Variants in DIP2B observed in about 807,000 individuals in gnomAD.
DIP2B encodes the protein DIP2 acetate--CoA ligase B (putative).
DIP2B carries 76 observed loss-of-function variants against 198.0 expected under a neutral mutation model. The ratio of observed to expected loss-of-function variants is 0.38; its 90% confidence interval spans 0.32 to 0.46. The LOEUF is 0.46. Ranked by LOEUF, DIP2B falls within the 20% of genes least tolerant of loss-of-function variation. The pLI, the probability that DIP2B is intolerant of heterozygous loss-of-function variation, is 0.99. For synonymous variants in DIP2B, 701 were observed against 739.1 expected (o/e 0.95, Z 0.84); for missense variants, 1,559 against 1,978.4 (o/e 0.79, Z 4.02).
chr12:50,557,187 A>G (rs1490254229), intron 1 of DIP2B, among the ~76,000 whole-genome samples: 5 of 152,238 alleles, frequency 3.3e-5, no homozygotes, highest in Non-Finnish European at 4.4e-5. Flanking sequence ...TTCTTTATCT[A>G]TAAAATGGAG....
chr12:50,515,657 G>A lies in DIP2B; in HGVS notation c.100+10417G>A, dbSNP rs750303261. On this transcript the variant is annotated intron_variant, in intron 1 of 37. Coordinates refer to ENST00000301180, the MANE Select transcript of DIP2B (RefSeq NM_173602.3). ...TTCTACTCTTTCTTTCTCCTGATGA[G>A]GGTATTCCTCAGATTTGTGTCTGTT... 2.0e-4 allele frequency among the ~76,000 whole-genome samples: 30 copies of A among 152,212 alleles called. 1 individual carries two copies. Among genetic ancestry groups the A allele is most frequent in the Non-Finnish European group, 3.2e-4 (22 of 67,996 alleles).
At chr12:50,517,094 T>C (rs969758261) in intron 1 of DIP2B, among the ~76,000 whole-genome samples, 13 of 151,914 alleles carry the variant, frequency 8.6e-5, no homozygotes, top group Non-Finnish European at 1.8e-4. Flanking sequence ...TTTTTTTGTA[T>C]TTTTTTAGTA....
chr12:50,517,506 G>A (rs758899939), intron 1 of DIP2B, among the ~76,000 whole-genome samples: 4 of 151,964 alleles, frequency 2.6e-5, no homozygotes, highest in East Asian at 1.9e-4. Flanking sequence ...AGCCTGTCTC[G>A]GTCTCTTCTC....
intron 10 of DIP2B, among the ~76,000 whole-genome samples, chr12:50,685,052 A>G (rs1016352782): frequency 7.2e-5 from 11 of 152,196 alleles, no homozygotes; most frequent in Non-Finnish European, 1.3e-4. Context: ...AGATCATGCC[A>G]CTGCACTCCA....
chr12:50,721,287 C>T lies in DIP2B; in HGVS notation c.3057C>T (p.Cys1019=), dbSNP rs1412474466. 6.2e-7 allele frequency: 1 copy of T among 1,614,030 alleles called. No individual in the cohort carries two copies. Among genetic ancestry groups the T allele is most frequent in the African/African-American group, 1.3e-5 (1 of 75,034 alleles). Residue 1019 remains cysteine (C), a synonymous_variant, in exon 26 of 38, where the codon TGC becomes TGT. Transcript: ENST00000301180. ...GTTGTTTAAAGGGAACCACTGTATGCACAGCCAGCTGCCTTCAGCTTCATA... is the reference window on the plus strand; with the variant it reads ...GTTGTTTAAAGGGAACCACTGTATGTACAGCCAGCTGCCTTCAGCTTCATA... ...MLLNAKGTTV[C]TASCLQLHKR... is the part of the protein sequence containing the mutation.
rs920515999 is a variant in DIP2B at position 50,720,022 on chromosome 12, C to T, written c.3042+987C>T. Among the ~76,000 whole-genome samples, 3 of 150,634 alleles carry T rather than the reference C, an allele frequency of 2.0e-5. No individual in the cohort carries two copies. In the Admixed American group the frequency reaches 2.0e-4, roughly 10 times the overall value. Reference sequence around the variant, plus strand: ...CTCAGCTCAGTGCAACCTCTGCCTCCTGGGTTCAAGCGATTCTCCTGCCTC... The same window carrying T: ...CTCAGCTCAGTGCAACCTCTGCCTCTTGGGTTCAAGCGATTCTCCTGCCTC... On this transcript the variant is annotated intron_variant, in intron 25 of 37. Coordinates refer to ENST00000301180, the MANE Select transcript of DIP2B (RefSeq NM_173602.3).
chr12:50,586,973 CAA>C (rs1343266034), intron 1 of DIP2B, among the ~76,000 whole-genome samples: 1 of 152,148 alleles, frequency 6.6e-6, no homozygotes, highest in Admixed American at 6.6e-5. Flanking sequence ...GGTGGGTTCT[CAA>C]GACATCACCT....
At chr12:50,734,962 A>G (rs1371446634) in intron 33 of DIP2B, 111 bp from the exon 34 acceptor site, 30 of 1,327,090 alleles carry the variant, frequency 2.3e-5, no homozygotes, top group Non-Finnish European at 1.1e-6. Context: ...CCTCTGTAGT[A>G]TGAGGAAGAG....
intron 1 of DIP2B, among the ~76,000 whole-genome samples, chr12:50,505,808 A>G (rs1403932839): frequency 6.6e-6 from 1 of 152,094 alleles, no homozygotes; most frequent in Admixed American, 6.5e-5. Context: ...AAGCAATGGC[A>G]TTAACCCAGA....
chr12:50,639,957 C>G (rs1339887755), intron 2 of DIP2B, among the ~76,000 whole-genome samples: 2 of 152,150 alleles, frequency 1.3e-5, no homozygotes, highest in Non-Finnish European at 2.9e-5. Flanking sequence ...CATTGCTGTT[C>G]TGCAGGTATA....
chr12:50,530,499 G>A (rs933100997), intron 1 of DIP2B, among the ~76,000 whole-genome samples: 5 of 152,178 alleles, frequency 3.3e-5, no homozygotes, highest in Non-Finnish European at 5.9e-5. Context: ...GTTGGAGATC[G>A]CCTTAGAGGA....
intron 1 of DIP2B, among the ~76,000 whole-genome samples, chr12:50,608,953 C>A (rs1959008093): frequency 6.6e-6 from 1 of 152,048 alleles, no homozygotes; most frequent in Non-Finnish European, 1.5e-5. Context: ...ACCAGCCTGG[C>A]CAATATGGTG....
At chr12:50,667,817 T>C (rs543741054) in intron 4 of DIP2B, among the ~76,000 whole-genome samples, 1 of 152,360 alleles carries the variant, frequency 6.6e-6, no homozygotes, top group South Asian at 2.1e-4. Flanking sequence ...CTTTTAACCA[T>C]TCTCCTGGGG....
chr12:50,673,746 A>C (rs531719488), intron 5 of DIP2B, among the ~76,000 whole-genome samples: 40 of 152,320 alleles, frequency 2.6e-4, no homozygotes, highest in African/African-American at 9.1e-4. Flanking sequence ...TGATTGCACC[A>C]CTGCATTCCT....
chr12:50,702,120 C>T (rs1394523924), intron 19 of DIP2B, among the ~76,000 whole-genome samples: 5 of 151,802 alleles, frequency 3.3e-5, no homozygotes, highest in Admixed American at 6.6e-5. Context: ...GAGGCCGAGG[C>T]GGGCGGATCA....
chr12:50,741,914 C>T (rs1232403609), intron 37 of DIP2B, among the ~76,000 whole-genome samples: 1 of 152,194 alleles, frequency 6.6e-6, no homozygotes, highest in Non-Finnish European at 1.5e-5. Flanking sequence ...GTAAAACACT[C>T]TCTCTGCTAC....
At chr12:50,712,899 C>T (rs1410996361) in intron 22 of DIP2B, among the ~76,000 whole-genome samples, 1 of 152,012 alleles carries the variant, frequency 6.6e-6, no homozygotes, top group African/African-American at 2.4e-5. Context: ...CAATGCAAGA[C>T]TCTGTCTCAA....
chr12:50,713,033 C>T (rs1230218359), intron 22 of DIP2B, among the ~76,000 whole-genome samples: 1 of 152,152 alleles, frequency 6.6e-6, no homozygotes, highest in East Asian at 1.9e-4. Flanking sequence ...AATATACCAA[C>T]CTGAAGTCCA....
At chr12:50,588,140 T>TC (rs1958786415) in intron 1 of DIP2B, among the ~76,000 whole-genome samples, 1 of 151,896 alleles carries the variant, frequency 6.6e-6, no homozygotes, top group Non-Finnish European at 1.5e-5. Context: ...TCTTTTCTTT[T>TC]TTTTTTCTTT....
Sources: gnomAD v4.1 joint callset for allele counts (sites outside exome capture counted in the v4.1 genomes callset) on GRCh38, gnomAD v4.1.1 for gene constraint, MANE v1.5 for transcripts, NCBI Gene and HGNC (gene_info 2026-07-23, HGNC 2026-07-21) for gene names.